The following PTPRD variants were observed in gnomAD, a reference collection of about 807,000 sequenced individuals.
The protein encoded by PTPRD is protein tyrosine phosphatase receptor type D.
Under a neutral mutation model 214.5 loss-of-function variants are expected in PTPRD, and 34 were observed. The observed-to-expected ratio is 0.16, with a 90% CI of 0.12 to 0.21. PTPRD has a LOEUF of 0.21. PTPRD is among the 10% of genes least tolerant of loss of function. The pLI is 1.00. For synonymous variants in PTPRD, 1,128 were observed against 845.7 expected, an observed-to-expected ratio of 1.33 and a Z score of -5.79; for missense variants, 2,545 against 2,398.7, an observed-to-expected ratio of 1.06 and a Z score of -1.27.
intron 19 of PTPRD, among the ~76,000 whole-genome samples, chr9:8,522,109 C>T (rs2097903320): frequency 6.6e-6 from 1 of 152,146 alleles, no homozygotes; most frequent in Admixed American, 6.5e-5. Context: ...GCCTCAAGAC[C>T]TCACACTAAC....
chr9:10,146,321 C>T (rs1184776544), intron 3 of PTPRD, among the ~76,000 whole-genome samples: 1 of 151,886 alleles, frequency 6.6e-6, no homozygotes, highest in East Asian at 1.9e-4. Flanking sequence ...GGCAGAAAAA[C>T]ACTATCCTAA....
In PTPRD at chr9:10,579,140, AT is replaced by A. The variant is rs377699869; in HGVS notation, c.-600+33257del. ...TCCCTGTGTGGATTACTATGCAGCC[AT>A]AAAAAAAGAATGAGATCATGTCCTT... On this transcript the variant is annotated intron_variant, in intron 2 of 45. Transcript: ENST00000381196. Among the ~76,000 whole-genome samples, 83 of 152,198 alleles carry A rather than the reference AT, an allele frequency of 5.5e-4. 1 individual carries two copies. In the East Asian group the frequency reaches 0.015, roughly 27 times the overall value.
chr9:8,493,063 T>G, intron 26 of PTPRD, 84 bp from the exon 27 acceptor site: 1 of 1,144,060 alleles, frequency 8.7e-7, no homozygotes, highest in Non-Finnish European at 1.3e-6. Context: ...GCCTTCATTC[T>G]GCAAATGCTC....
At chr9:10,147,409 C>T (rs1003989013) in intron 3 of PTPRD, among the ~76,000 whole-genome samples, 5 of 152,002 alleles carry the variant, frequency 3.3e-5, no homozygotes, top group South Asian at 2.1e-4. Flanking sequence ...ATGTTTATTG[C>T]GGCATTATTC....
At chr9:8,690,528 CAA>C (rs60727792) in intron 12 of PTPRD, among the ~76,000 whole-genome samples, 41,892 of 126,694 alleles carry the variant, frequency 0.33, 6,624 homozygotes, top group African/African-American at 0.45. Flanking sequence ...GACTCCGTCT[CAA>C]AAAAAAAAAA....
intron 14 of PTPRD, among the ~76,000 whole-genome samples, chr9:8,541,389 C>G (rs1455013989): frequency 6.6e-6 from 1 of 152,090 alleles, no homozygotes; most frequent in Non-Finnish European, 1.5e-5. Context: ...GTCACAATAC[C>G]TGGCTCAATT....
At chr9:8,421,510 G>T (rs2094363408) in intron 35 of PTPRD, among the ~76,000 whole-genome samples, 1 of 152,084 alleles carries the variant, frequency 6.6e-6, no homozygotes, top group Non-Finnish European at 1.5e-5. Flanking sequence ...AGACACAAAA[G>T]TAAAACTGAA....
rs930326525 is a variant in PTPRD at position 8,315,449 on chromosome 9, C to A, written c.*2425G>T. 1.3e-5 allele frequency: 3 copies of A among 232,024 alleles called. No homozygotes were observed. Among genetic ancestry groups the A allele is most frequent in the Non-Finnish European group, 2.6e-5 (3 of 117,126 alleles). 14.4% of individuals were successfully genotyped at this position (232,024 alleles called of 1,614,324 possible). On this transcript the variant is annotated 3_prime_UTR_variant, in exon 46 of 46. Transcript: ENST00000381196. ...GGATGATGCAATGTCTGTCTGACCC[C>A]CTTTGTTTAACTAAAAGAAAATTAT...
intron 5 of PTPRD, among the ~76,000 whole-genome samples, chr9:9,854,611 C>T (rs572821333): frequency 1.3e-5 from 2 of 151,832 alleles, no homozygotes; most frequent in Admixed American, 6.6e-5. Flanking sequence ...ATTTTTTGTA[C>T]TTCTCTTATT....
chr9:8,691,725 T>TA (rs1049551632), intron 12 of PTPRD, among the ~76,000 whole-genome samples: 2 of 152,230 alleles, frequency 1.3e-5, no homozygotes, highest in Admixed American at 6.5e-5. Flanking sequence ...TTTCTTAAAA[T>TA]ACGTTGGTTA....
At chr9:9,542,541 G>GA (rs1184666049) in intron 8 of PTPRD, among the ~76,000 whole-genome samples, 2 of 151,474 alleles carry the variant, frequency 1.3e-5, no homozygotes, top group East Asian at 3.9e-4. Flanking sequence ...CTACAGACTG[G>GA]AAAAAAATAT....
At chr9:9,123,915 C>A (rs1193546835) in intron 10 of PTPRD, among the ~76,000 whole-genome samples, 2 of 147,306 alleles carry the variant, frequency 1.4e-5, no homozygotes, top group Admixed American at 7.1e-5. Flanking sequence ...GAATAGGAGA[C>A]AAAGAGAATA....
At chr9:10,283,736 C>T (rs1319119310) in intron 3 of PTPRD, among the ~76,000 whole-genome samples, 3 of 152,176 alleles carry the variant, frequency 2.0e-5, no homozygotes, top group African/African-American at 7.2e-5. Flanking sequence ...AAACTTTCAT[C>T]TGATTGACCT....
At chr9:9,285,702 C>A (rs1949127653) in intron 9 of PTPRD, among the ~76,000 whole-genome samples, 2 of 151,822 alleles carry the variant, frequency 1.3e-5, no homozygotes, top group East Asian at 3.9e-4. Flanking sequence ...CATGTCTTGA[C>A]CCCAGGCTTC....
chr9:8,337,802 T>C (rs767820946), intron 43 of PTPRD, among the ~76,000 whole-genome samples: 2 of 152,048 alleles, frequency 1.3e-5, no homozygotes, highest in Non-Finnish European at 2.9e-5. Context: ...CCAGGAATAG[T>C]TGGTGAGTTT....
chr9:10,508,499 A>G (rs1483423030), intron 2 of PTPRD, among the ~76,000 whole-genome samples: 5 of 152,188 alleles, frequency 3.3e-5, no homozygotes, highest in African/African-American at 1.2e-4. Flanking sequence ...ATGCACACGT[A>G]TGTTTATTGT....
chr9:9,069,662 G>A (rs1157499602), intron 10 of PTPRD, among the ~76,000 whole-genome samples: 1 of 152,196 alleles, frequency 6.6e-6, no homozygotes, highest in African/African-American at 2.4e-5. Flanking sequence ...AGTGACCAGT[G>A]TCGTGCCTGA....
At chr9:9,587,848 G>A (rs1317340639) in intron 7 of PTPRD, among the ~76,000 whole-genome samples, 1 of 151,892 alleles carries the variant, frequency 6.6e-6, no homozygotes, top group Non-Finnish European at 1.5e-5. Context: ...GGACTGGGAT[G>A]GGTTGGTGGT....
At chr9:10,554,726 T>C (rs1590793956) in intron 2 of PTPRD, among the ~76,000 whole-genome samples, 1 of 152,318 alleles carries the variant, frequency 6.6e-6, no homozygotes, top group East Asian at 1.9e-4. Flanking sequence ...AGTGGCACCA[T>C]CTTGGCTCCC....
Sources: allele counts gnomAD v4.1 joint callset (sites outside exome capture counted in the v4.1 genomes callset), GRCh38; gene constraint gnomAD v4.1.1; transcripts MANE v1.5; gene names NCBI Gene and HGNC (gene_info 2026-07-23, HGNC 2026-07-21).